Variants in NUP88 observed in about 807,000 individuals in gnomAD.
NUP88 encodes the protein nuclear pore complex protein Nup88.
Under a neutral mutation model 93.9 loss-of-function variants are expected in NUP88, and 57 were observed. The observed-to-expected ratio is 0.61, with a 90% CI of 0.49 to 0.76. NUP88 has a LOEUF of 0.76. Ranked by LOEUF, NUP88 falls within the 30% of genes least tolerant of loss-of-function variation. The pLI is 0.00. For synonymous variants in NUP88, 346 were observed against 336.8 expected (o/e 1.03, Z -0.30); for missense variants, 911 against 901.0 (o/e 1.01, Z -0.14).
In NUP88 at chr17:5,387,358, G is replaced by T. The variant is rs1406853660; in HGVS notation, c.1916+28C>A. 1.9e-6 allele frequency: 3 copies of T among 1,573,518 alleles called. No homozygotes were observed. In the African/African-American group the frequency reaches 4.0e-5, roughly 21 times the overall value. ...AATATCGTTGTTAGTACCTGACTAG[G>T]TAACTAAATGTTATACAGCCCACTG... On this transcript the variant is annotated intron_variant, in intron 14 of 16. Coordinates refer to ENST00000573584, the MANE Select transcript of NUP88 (RefSeq NM_002532.6).
chr17:5,390,885 G>C (rs554575701), intron 10 of NUP88, among the ~76,000 whole-genome samples: 4 of 151,996 alleles, frequency 2.6e-5, no homozygotes, highest in African/African-American at 9.6e-5. Flanking sequence ...TGTAGAGATG[G>C]GGGTCTCACT....
chr17:5,413,239 T>A (rs1913943783), intron 3 of NUP88, among the ~76,000 whole-genome samples: 1 of 152,166 alleles, frequency 6.6e-6, no homozygotes, highest in African/African-American at 2.4e-5. Flanking sequence ...CCCAAAGTGC[T>A]GGGATTACAG....
chr17:5,386,693 G>A lies in NUP88; in HGVS notation c.2162+15C>T. On this transcript the variant is annotated intron_variant, in intron 16 of 16. Transcript: ENST00000573584. ...ACTATCTCACGATAATAGCTGATTGGAAGTATTTACTTACTCCTCTTTCAG... is the reference window on the plus strand; with the variant it reads ...ACTATCTCACGATAATAGCTGATTGAAAGTATTTACTTACTCCTCTTTCAG... 6.9e-7 allele frequency: 1 copy of A among 1,453,758 alleles called. No homozygotes were observed. The highest frequency in any genetic ancestry group is 9.7e-7 in the Non-Finnish European group (1 of 1,034,434). The allele number at this position is 1,453,758 out of a possible 1,614,324, so 90.1% of individuals were successfully genotyped here. A position where few individuals can be genotyped will look rare whatever the true frequency, so the allele number is the denominator to read the frequency against.
chr17:5,392,101 G>A (rs1309203280), intron 9 of NUP88, among the ~76,000 whole-genome samples: 1 of 152,190 alleles, frequency 6.6e-6, no homozygotes, highest in Non-Finnish European at 1.5e-5. Flanking sequence ...ATCTCTCTCA[G>A]TCTTCCTTCC....
At chr17:5,410,460 T>C (rs777129894) in intron 4 of NUP88, among the ~76,000 whole-genome samples, 4 of 131,860 alleles carry the variant, frequency 3.0e-5, no homozygotes, top group Non-Finnish European at 6.2e-5. Flanking sequence ...AAATGAATGG[T>C]GGCTCAGGCC....
At chr17:5,404,315 C>G in intron 6 of NUP88, 69 bp from the exon 7 acceptor site, 4 of 1,559,144 alleles carry the variant, frequency 2.6e-6, no homozygotes, top group Non-Finnish European at 3.5e-6. Flanking sequence ...TAAAAACAGG[C>G]AAAAAGCTGG....
At chr17:5,418,135 A>G (rs1164887067) in intron 1 of NUP88, 1 of 130,562 alleles carries the variant, frequency 7.7e-6, no homozygotes, top group African/African-American at 2.9e-5. Flanking sequence ...CAAGAGCGAA[A>G]CTCCATCTCA....
At chr17:5,410,066 G>A (rs991551939) in intron 4 of NUP88, among the ~76,000 whole-genome samples, 3 of 152,218 alleles carry the variant, frequency 2.0e-5, no homozygotes, top group Non-Finnish European at 4.4e-5. Flanking sequence ...GGGGTATGGA[G>A]AGCAGGGAAG....
At chr17:5,413,977 G>T (rs768818218) in intron 3 of NUP88, 32 bp downstream of exon 3, 1 of 1,606,356 alleles carries the variant, frequency 6.2e-7, no homozygotes, top group Non-Finnish European at 8.5e-7. Flanking sequence ...TTTCCCACTC[G>T]CAAGGCTTCA....
At chr17:5,391,745 T>A (rs889895047) in intron 9 of NUP88, 83 bp from the exon 10 acceptor site, 1 of 1,136,418 alleles carries the variant, frequency 8.8e-7, no homozygotes, top group Non-Finnish European at 1.3e-6. Context: ...TCCGCGGCCT[T>A]CTCAGGCCTG....
intron 11 of NUP88, 80 bp downstream of exon 11, chr17:5,388,722 T>C (rs2144761607): frequency 7.9e-7 from 1 of 1,267,034 alleles, no homozygotes; most frequent in Non-Finnish European, 1.1e-6. Flanking sequence ...ATGAAACAGA[T>C]GAGGACAGAA....
rs762093907 is a variant in NUP88, at chr17:5,408,800, C to T, written c.790G>A (p.Ala264Thr). Residue 264 changes from alanine to threonine, a missense_variant, in exon 5 of 17, where the codon GCA becomes ACA. Physicochemically the swap from Ala to Thr is moderately conservative, Grantham distance 58. Transcript: ENST00000573584. ...FGQNGKDEVVAYPLYILYENG... is the reference protein window; with the variant it reads ...FGQNGKDEVVTYPLYILYENG... Reference sequence around the variant, plus strand: ...TCATATAAGATGTACAGTGGGTATGCCACTACTTCATCTTTGCCGTTTTGT... The same window carrying T: ...TCATATAAGATGTACAGTGGGTATGTCACTACTTCATCTTTGCCGTTTTGT... The T allele has an allele frequency of 2.8e-5, 45 of 1,613,848 alleles. No individual in the cohort carries two copies. The Middle Eastern group carries it at 4.9e-4, about 18-fold the overall frequency.
At chr17:5,411,241 G>A (rs150109973) in intron 3 of NUP88, among the ~76,000 whole-genome samples, 321 of 152,176 alleles carry the variant, frequency 2.1e-3, no homozygotes, top group African/African-American at 7.3e-3. Flanking sequence ...TATTTAGCCT[G>A]CAAATCTACT....
In NUP88 at chr17:5,386,128, A is replaced by G; in HGVS notation, c.*78T>C. 2.8e-6 allele frequency: 3 copies of G among 1,070,120 alleles called. No homozygotes were observed. Among genetic ancestry groups the G allele is most frequent in the East Asian group, 2.5e-5 (1 of 39,534 alleles). 66.3% of individuals were successfully genotyped at this position (1,070,120 alleles called of 1,614,324 possible). A position where few individuals can be genotyped will look rare whatever the true frequency, so the allele number is the denominator to read the frequency against. On this transcript the variant is annotated 3_prime_UTR_variant, in exon 17 of 17. Coordinates refer to ENST00000573584, the MANE Select transcript of NUP88 (RefSeq NM_002532.6). The stretch of plus-strand genomic sequence containing the variant: ...ATCAAAACACCTTTTTATAAATTAG[A>G]TAATTCTACCTGTTTTACAATATGG...
chr17:5,396,032 G>A (rs553910635), intron 8 of NUP88, among the ~76,000 whole-genome samples: 13 of 151,992 alleles, frequency 8.6e-5, no homozygotes, highest in South Asian at 4.2e-4. Context: ...CCAACATAGC[G>A]AGACGCCGTC....
At chr17:5,416,144 CAAAAAAA>C (rs1206275413) in intron 2 of NUP88, among the ~76,000 whole-genome samples, 42 of 72,598 alleles carry the variant, frequency 5.8e-4, no homozygotes, top group Admixed American at 6.6e-4. Context: ...GACTCCATCT[CAAAAAAA>C]AAAAAAAAAA....
At chr17:5,402,834 C>T (rs889455828) in intron 7 of NUP88, among the ~76,000 whole-genome samples, 1 of 152,078 alleles carries the variant, frequency 6.6e-6, no homozygotes, top group Non-Finnish European at 1.5e-5. Context: ...CCCGTATCTA[C>T]CAAAAATACA....
chr17:5,393,015 T>C (rs1912540344), intron 9 of NUP88, among the ~76,000 whole-genome samples: 1 of 151,394 alleles, frequency 6.6e-6, no homozygotes, highest in South Asian at 2.1e-4. Flanking sequence ...TGCAGTGACA[T>C]GATCTTGGCT....
intron 7 of NUP88, among the ~76,000 whole-genome samples, chr17:5,401,063 C>T (rs1000407827): frequency 1.3e-5 from 2 of 151,916 alleles, no homozygotes; most frequent in African/African-American, 4.8e-5. Context: ...ATCTCTGTAA[C>T]TCAATATTTT....
Sources: allele counts gnomAD v4.1 joint callset (sites outside exome capture counted in the v4.1 genomes callset), GRCh38; gene constraint gnomAD v4.1.1; transcripts MANE v1.5; gene names NCBI Gene and HGNC (gene_info 2026-07-23, HGNC 2026-07-21).